Variants in NOVA1 observed in about 807,000 individuals in gnomAD.
NOVA1 encodes the protein NOVA alternative splicing regulator 1, also known as RNA-binding protein Nova-1.
In NOVA1, 7 loss-of-function variants were observed where a neutral mutation model predicts 38.0. The observed-to-expected ratio is 0.18, with a 90% confidence interval of 0.10 to 0.35. NOVA1 has a LOEUF of 0.35. NOVA1 is among the 10% of genes least tolerant of loss of function. The pLI is 1.00. For synonymous variants in NOVA1, 270 were observed against 232.5 expected, an observed-to-expected ratio of 1.16 and a Z score of -1.47; for missense variants, 460 against 616.0, an observed-to-expected ratio of 0.75 and a Z score of 2.68.
At position 26,489,208 on chromosome 14, in the gene NOVA1, TTA is replaced by T. The variant is rs534511161; in HGVS notation, c.281-9067_281-9066del. On this transcript the variant is annotated intron_variant, in intron 2 of 4. Coordinates refer to ENST00000539517, the MANE Select transcript of NOVA1 (RefSeq NM_002515.3). The stretch of plus-strand genomic sequence containing the variant: ...CATTAGACAAAATTAAGCAGTAACT[TTA>T]TGTCATATTTTTTAAAAATATAGAG... Among the ~76,000 whole-genome samples the T allele has an allele frequency of 1.1e-3, 174 of 152,264 alleles. 1 individual carries two copies. The highest frequency in any genetic ancestry group is 3.9e-3 in the African/African-American group (162 of 41,556).
intron 2 of NOVA1, among the ~76,000 whole-genome samples, chr14:26,591,823 A>T (rs937956438): frequency 6.6e-5 from 10 of 151,212 alleles, no homozygotes; most frequent in East Asian, 1.9e-4. Flanking sequence ...TGTTTTTTTT[A>T]AAAAAGCACC....
chr14:26,505,129 C>T (rs1477119893), intron 2 of NOVA1, among the ~76,000 whole-genome samples: 1 of 152,086 alleles, frequency 6.6e-6, no homozygotes, highest in Non-Finnish European at 1.5e-5. Context: ...AAACACAGAA[C>T]CAAAACATTA....
intron 2 of NOVA1, among the ~76,000 whole-genome samples, chr14:26,507,683 G>C (rs1369298257): frequency 1.3e-5 from 2 of 152,070 alleles, no homozygotes; most frequent in African/African-American, 2.4e-5. Context: ...TCATGCAACA[G>C]ACTGAGCAAG....
chr14:26,549,459 A>C (rs1017135182), intron 2 of NOVA1: 5 of 175,200 alleles, frequency 2.9e-5, no homozygotes, highest in Non-Finnish European at 6.3e-5. Flanking sequence ...TATTGATAAA[A>C]GCATTTTAGT....
At chr14:26,589,033 A>G (rs1893691282) in intron 2 of NOVA1, among the ~76,000 whole-genome samples, 1 of 151,604 alleles carries the variant, frequency 6.6e-6, no homozygotes, top group African/African-American at 2.4e-5. Context: ...CCAAAACTTA[A>G]CTACTCTTTG....
intron 2 of NOVA1, among the ~76,000 whole-genome samples, chr14:26,507,603 T>C (rs892815713): frequency 1.3e-5 from 2 of 152,190 alleles, no homozygotes; most frequent in African/African-American, 4.8e-5. Context: ...TATTTTCAAA[T>C]AGCCTTAGTT....
At chr14:26,577,885 G>C (rs1214927173) in intron 2 of NOVA1, among the ~76,000 whole-genome samples, 1 of 151,790 alleles carries the variant, frequency 6.6e-6, no homozygotes, top group African/African-American at 2.4e-5. Flanking sequence ...GGTCCACAAT[G>C]GACACAAACA....
intron 2 of NOVA1, among the ~76,000 whole-genome samples, chr14:26,578,329 C>A (rs1418933680): frequency 2.8e-5 from 4 of 142,348 alleles, no homozygotes; most frequent in Non-Finnish European, 4.6e-5. Context: ...ATTACCAGAA[C>A]AGGAAGTGGG....
At chr14:26,461,732 C>G (rs1883689312) in intron 4 of NOVA1, among the ~76,000 whole-genome samples, 1 of 146,562 alleles carries the variant, frequency 6.8e-6, no homozygotes, top group Non-Finnish European at 1.5e-5. Context: ...AGTTCAAGAC[C>G]AGCCTGACCA....
intron 4 of NOVA1, among the ~76,000 whole-genome samples, chr14:26,449,602 T>A (rs971732098): frequency 6.6e-6 from 1 of 152,128 alleles, no homozygotes; most frequent in Non-Finnish European, 1.5e-5. Context: ...TAATAGTTAT[T>A]TCTAAATAAT....
At chr14:26,461,297 G>A (rs1041689914) in intron 4 of NOVA1, among the ~76,000 whole-genome samples, 15 of 152,174 alleles carry the variant, frequency 9.9e-5, no homozygotes, top group East Asian at 3.9e-4. Context: ...AGTCTTAGGC[G>A]TTTCATAAAC....
intron 3 of NOVA1, among the ~76,000 whole-genome samples, chr14:26,473,644 C>T (rs566092826): frequency 3.7e-4 from 56 of 151,988 alleles, no homozygotes; most frequent in Middle Eastern, 3.4e-3. Context: ...TAAGAAATTT[C>T]CAGGCTTCTG....
chr14:26,559,727 G>A (rs1566537648), intron 2 of NOVA1, among the ~76,000 whole-genome samples: 1 of 152,148 alleles, frequency 6.6e-6, no homozygotes, highest in African/African-American at 2.4e-5. Context: ...CTGGTTATCA[G>A]AGGCTGGGAA....
At chr14:26,519,805 G>A (rs1261206787) in intron 2 of NOVA1, among the ~76,000 whole-genome samples, 5 of 151,984 alleles carry the variant, frequency 3.3e-5, no homozygotes, top group African/African-American at 1.2e-4. Flanking sequence ...ATATAAGAGA[G>A]AAAAATAAAT....
At chr14:26,534,300 T>C (rs904082577) in intron 2 of NOVA1, among the ~76,000 whole-genome samples, 1 of 152,114 alleles carries the variant, frequency 6.6e-6, no homozygotes, top group African/African-American at 2.4e-5. Context: ...AAAACATATG[T>C]CCAAGATGTA....
intron 2 of NOVA1, among the ~76,000 whole-genome samples, chr14:26,580,086 A>C (rs1893118757): frequency 6.6e-6 from 1 of 151,938 alleles, no homozygotes. Context: ...CTAACAGCAA[A>C]AAAAAAAGCT....
chr14:26,579,838 T>C (rs1187401702), intron 2 of NOVA1, among the ~76,000 whole-genome samples: 1 of 152,118 alleles, frequency 6.6e-6, no homozygotes, highest in African/African-American at 2.4e-5. Context: ...AGTTAAAATA[T>C]TTAAGACCTT....
intron 2 of NOVA1, among the ~76,000 whole-genome samples, chr14:26,497,392 T>C (rs1886900103): frequency 6.6e-6 from 1 of 152,178 alleles, no homozygotes; most frequent in African/African-American, 2.4e-5. Context: ...TATAACAAGC[T>C]TTTTAAATCC....
intron 3 of NOVA1, among the ~76,000 whole-genome samples, chr14:26,477,320 T>C (rs150866797): frequency 0.01 from 1,592 of 152,272 alleles, 20 homozygotes; most frequent in Middle Eastern, 0.037. Flanking sequence ...TACAAGAGAA[T>C]TCTTTAAATG....
Sources: gnomAD v4.1 joint callset for allele counts (sites outside exome capture counted in the v4.1 genomes callset) on GRCh38, gnomAD v4.1.1 for gene constraint, MANE v1.5 for transcripts, NCBI Gene and HGNC (gene_info 2026-07-23, HGNC 2026-07-21) for gene names.